The following ARHGEF1 variants were observed in gnomAD, a reference collection of about 807,000 sequenced individuals.
ARHGEF1 encodes Rho guanine nucleotide exchange factor 1.
A neutral mutation model predicts 119.7 loss-of-function variants in ARHGEF1; 40 were observed. The observed-to-expected ratio is 0.33, with a 90% CI of 0.26 to 0.44. The LOEUF is 0.44. Among genes scored for constraint, ARHGEF1 ranks in the 20% least tolerant of loss-of-function variants. The pLI, the probability that ARHGEF1 is intolerant of heterozygous loss-of-function variation, is 1.00. For synonymous variants in ARHGEF1, 494 were observed against 521.0 expected (o/e 0.95, Z 0.71); for missense variants, 976 against 1,268.3 (o/e 0.77, Z 3.50).
rs147645001 is a variant in ARHGEF1, at chr19:41,902,885, C to T, written c.1725C>T (p.Ile575=). 58 of 1,608,420 alleles carry T rather than the reference C, an allele frequency of 3.6e-5. No individual in the cohort carries two copies. The African/African-American group carries it at 4.4e-4, about 12-fold the overall frequency. The part of the protein sequence containing the change: ...LTKYPLLLQS[I]GQNTEEPTER... ...AGTACCCCCTGCTCCTGCAGAGCAT[C>T]GGGCAGAACACAGGTACCGCGGGCC... Residue 575 remains isoleucine (I), a synonymous_variant, in exon 18 of 29, where the codon ATC becomes ATT. Transcript: ENST00000354532. The surrounding 1 kb of genome is among the most constrained non-coding windows in gnomAD (Gnocchi z 6.5).
At chr19:41,896,778 T>C in intron 13 of ARHGEF1, 1 of 491,836 alleles carries the variant, frequency 2.0e-6, no homozygotes, top group Non-Finnish European at 3.7e-6. Context: ...TCCTTCCATC[T>C]CCTTTATTTC....
intron 8 of ARHGEF1, 72 bp from the exon 9 acceptor site, chr19:41,894,135 A>AGC (rs1313653141): frequency 2.3e-6 from 1 of 442,016 alleles, no homozygotes; most frequent in African/African-American, 2.4e-5. Flanking sequence ...TGTGTGTGTG[A>AGC]GTGTGTGTGT....
At chr19:41,927,386 C>T (rs569187799) in intron 1 of ARHGEF1, among the ~76,000 whole-genome samples, 2 of 152,238 alleles carry the variant, frequency 1.3e-5, no homozygotes, top group African/African-American at 4.8e-5. Context: ...ACCAAATATC[C>T]AGACCCCAGA....
At position 41,898,501 on chromosome 19, in the gene ARHGEF1, A is replaced by G. The variant is rs1170889243; in HGVS notation, c.1181A>G (p.Glu394Gly). 1 of 1,554,380 alleles carries G rather than the reference A, an allele frequency of 6.4e-7. No homozygotes were observed. The highest frequency in any genetic ancestry group is 1.4e-5 in the African/African-American group (1 of 73,170). The change falls in exon 14 of 29, where the codon GAG becomes GGG. Residue 394 changes from glutamate (E) to glycine (G), a missense_variant. Coordinates refer to ENST00000354532, the MANE Select transcript of ARHGEF1 (RefSeq NM_004706.4). Reference sequence around the variant, plus strand: ...TCGGGACTGGAGCTTGAACCAGAAGAGCCTCCCGGCTGGCGGGAACTCGTC... The same window carrying G: ...TCGGGACTGGAGCTTGAACCAGAAGGGCCTCCCGGCTGGCGGGAACTCGTC... ...GRSGLELEPE[E>G]PPGWRELVPP...
Position 41,902,468 on chromosome 19 carries a change from G to C in ARHGEF1, c.1498-65G>C. 6.2e-7 allele frequency: 1 copy of C among 1,611,752 alleles called. No individual in the cohort carries two copies. Among genetic ancestry groups the C allele is most frequent in the Non-Finnish European group, 8.5e-7 (1 of 1,179,176 alleles). The stretch of plus-strand genomic sequence containing the variant: ...CCAGGGTCTGGGCTTCCAGCCTGTC[G>C]TACTTTAGTCCCTGTTCTTGCCCAT... On this transcript the variant is annotated intron_variant, in intron 16 of 28. Transcript: ENST00000354532. This position sits in a 1 kb window ranked among gnomAD's most constrained non-coding sequence, Gnocchi z 6.5.
chr19:41,920,624 C>T (rs1555852396), upstream of ARHGEF1, among the ~76,000 whole-genome samples: 1 of 152,242 alleles, frequency 6.6e-6, no homozygotes, highest in East Asian at 1.9e-4. Flanking sequence ...AGCACCCATA[C>T]TTAGTCACCT....
chr19:41,918,112 C>T (rs531686684), upstream of ARHGEF1, among the ~76,000 whole-genome samples: 4 of 152,112 alleles, frequency 2.6e-5, no homozygotes, highest in South Asian at 6.2e-4. Flanking sequence ...GACGCCACCC[C>T]CATTCCCACA....
chr19:41,914,635 GTCTCTCCCTCCCTTTCCACCA>G (rs2074780284), intron 18 of ARHGEF1, among the ~76,000 whole-genome samples: 3 of 24,062 alleles, frequency 1.2e-4, no homozygotes, highest in Admixed American at 8.5e-4. Flanking sequence ...CTCTGTCTCT[GTCTCTCCCTCCCTTTCCACCA>G]TCTCTGTCTC....
upstream of ARHGEF1, among the ~76,000 whole-genome samples, chr19:41,922,038 C>CTA (rs1184637399): frequency 6.6e-6 from 1 of 151,988 alleles, no homozygotes; most frequent in Non-Finnish European, 1.5e-5. Flanking sequence ...CCCCACCCCT[C>CTA]TATCAGAGTG....
chr19:41,892,675 A>T lies in ARHGEF1; in HGVS notation c.440A>T (p.Gln147Leu), dbSNP rs1555846507. The change falls in exon 7 of 29, where the codon CAG becomes CTG. Residue 147 changes from glutamine (Q) to leucine (L), a missense_variant. Around this residue, in one of 3 missense-constraint regions of ARHGEF1, gnomAD observed 519 missense variants for 580.9 expected, o/e 0.89. Transcript: ENST00000354532. The surrounding 1 kb of genome is among the most constrained non-coding windows in gnomAD (Gnocchi z 6.3). ...GTGCAGGAGGTGGTGCAAAGCCAGC[A>T]GGTAGCCGTGGGCCGGCAGCTGGAG... ...RFVQEVVQSQ[Q>L]VAVGRQLEDF... 7 of 1,613,660 alleles carry T rather than the reference A, an allele frequency of 4.3e-6. No individual in the cohort carries two copies. In the South Asian group the frequency reaches 7.7e-5, roughly 18 times the overall value.
Position 41,894,589 on chromosome 19 carries a change from C to T in ARHGEF1, c.842-37C>T, listed in dbSNP as rs372584820. ...CTCTGCCCTCCCCTGTCTTCCCCAG[C>T]TGCTCCCACTCACTGTCTCATTCTC... On this transcript the variant is annotated intron_variant, in intron 10 of 28. Coordinates refer to ENST00000354532, the MANE Select transcript of ARHGEF1 (RefSeq NM_004706.4). 7 of 1,613,940 alleles carry T rather than the reference C, an allele frequency of 4.3e-6. No homozygotes were observed. In the Admixed American group the frequency reaches 5.0e-5, roughly 12 times the overall value.
At chr19:41,884,398 G>A in intron 1 of ARHGEF1, 1 of 1,591,190 alleles carries the variant, frequency 6.3e-7, no homozygotes, top group East Asian at 2.2e-5. Flanking sequence ...AGGGCGGCTA[G>A]AGCGACGCGG....
Position 41,906,993 on chromosome 19 carries a change from C to G in ARHGEF1, c.*18-112C>G, listed in dbSNP as rs1189581891. On this transcript the variant is annotated intron_variant, in intron 28 of 28. Transcript: ENST00000354532. This position sits in a 1 kb window ranked among gnomAD's most constrained non-coding sequence, Gnocchi z 4.5. ...TTTCTCTGTCTCTGTGCCCGCCTGC[C>G]TCTCCCCACCTCCCCTTCTCTCTCT... 4 of 1,111,550 alleles carry G rather than the reference C, an allele frequency of 3.6e-6. No individual in the cohort carries two copies. In the East Asian group the frequency reaches 1.1e-4, roughly 30 times the overall value. 68.9% of individuals were successfully genotyped at this position (1,111,550 alleles called of 1,614,324 possible). A position where few individuals can be genotyped will look rare whatever the true frequency, so the allele number is the denominator to read the frequency against.
rs542788490 is a variant in ARHGEF1 at position 41,916,848 on chromosome 19, C to T, written c.1866-6244C>T. On this transcript the variant is annotated intron_variant, in intron 18 of 20. Transcript: ENST00000599589. This position sits in a 1 kb window ranked among gnomAD's most constrained non-coding sequence, Gnocchi z 5.4. ...ACGGACCCAAACATACGACCGACAG[C>T]GGCCCCTGCAGAGGTACACACAGAC... Among the ~76,000 whole-genome samples, 5 of 145,114 alleles carry T rather than the reference C, an allele frequency of 3.4e-5. No homozygotes were observed. Among genetic ancestry groups the T allele is most frequent in the East Asian group, 2.0e-4 (1 of 5,024 alleles).
At chr19:41,909,580 CT>C, downstream of ARHGEF1, 2 of 930,048 alleles carry the variant, frequency 2.2e-6, no homozygotes, top group Non-Finnish European at 3.0e-6. The surrounding 1 kb of genome is among the most constrained non-coding windows in gnomAD (Gnocchi z 5.2). Context: ...AGCACTAGAA[CT>C]TGGGGAAACT....
At chr19:41,918,767 A>G (rs1285736841), upstream of ARHGEF1, among the ~76,000 whole-genome samples, 1 of 148,676 alleles carries the variant, frequency 6.7e-6, no homozygotes, top group African/African-American at 2.5e-5. Flanking sequence ...ATATACATCT[A>G]CCACACACAT....
chr19:41,888,800 C>T lies in ARHGEF1; in HGVS notation c.160C>T (p.Arg54Trp), dbSNP rs782110668. The T allele has an allele frequency of 3.7e-6, 6 of 1,614,166 alleles. No homozygotes were observed. In the South Asian group the frequency reaches 4.4e-5, roughly 12 times the overall value. ...SQFQSLEQVK[R>W]RPAHLMALLQ... ...GTTCCAGAGCCTGGAGCAGGTGAAG[C>T]GGCGCCCAGCCCACCTCATGGCCCT... Residue 54 changes from arginine (R) to tryptophan (W), a missense_variant, in exon 4 of 29, where the codon CGG becomes TGG. Arg to Trp is a moderately radical substitution (Grantham distance 101, BLOSUM62 -3). This residue lies in a region of ARHGEF1 where 519 missense variants were observed against 580.9 expected (regional missense o/e 0.89). Coordinates refer to ENST00000354532, the MANE Select transcript of ARHGEF1 (RefSeq NM_004706.4). The surrounding 1 kb of genome is among the most constrained non-coding windows in gnomAD (Gnocchi z 5.1).
At position 41,902,300 on chromosome 19, in the gene ARHGEF1, C is replaced by T. The variant is rs375512672; in HGVS notation, c.1441C>T (p.Arg481Trp). 6.2e-7 allele frequency: 1 copy of T among 1,614,176 alleles called. No individual in the cohort carries two copies. The highest frequency in any genetic ancestry group is 8.5e-7 in the Non-Finnish European group (1 of 1,180,034). ...HSLFLDRLMK[R>W]RQESGYLIEE... The stretch of plus-strand genomic sequence containing the variant: ...CCTGTTCCTCGATCGCCTGATGAAG[C>T]GGAGGCAGGAGAGTGGCTACCTCAT... The change falls in exon 16 of 29, where the codon CGG becomes TGG. Residue 481 changes from arginine to tryptophan, a missense_variant. Arg to Trp is a moderately radical substitution (Grantham distance 101). Around this residue, in one of 3 missense-constraint regions of ARHGEF1, gnomAD observed 286 missense variants for 506.8 expected, o/e 0.56. Transcript: ENST00000354532. The surrounding 1 kb of genome is among the most constrained non-coding windows in gnomAD (Gnocchi z 6.5).
At chr19:41,894,750 TGGGACCTGGACGCCTGGTTCTGA>T in intron 11 of ARHGEF1, 89 bp downstream of exon 11, 1 of 1,372,750 alleles carries the variant, frequency 7.3e-7, no homozygotes. Flanking sequence ...GAGGAGGGGC[TGGGACCTGGACGCCTGGTTCTGA>T]GGGAGGAGGG....
Sources: gnomAD v4.1 joint callset for allele counts (sites outside exome capture counted in the v4.1 genomes callset) on GRCh38, gnomAD v4.1.1 for gene constraint, gnomAD v4.1.1 regional missense constraint, Gnocchi (gnomAD v3.1) non-coding constraint, MANE v1.5 for transcripts, NCBI Gene and HGNC (gene_info 2026-07-23, HGNC 2026-07-21) for gene names.